Variants in HUWE1 observed in about 807,000 individuals in gnomAD.
HUWE1 encodes E3 ubiquitin-protein ligase HUWE1.
Under a neutral mutation model 299.4 loss-of-function variants are expected in HUWE1, and 18 were observed. The ratio of observed to expected loss-of-function variants is 0.06; its 90% confidence interval spans 0.04 to 0.09. HUWE1 has a LOEUF of 0.09. HUWE1 is among the 10% of genes least tolerant of loss of function. The pLI is 1.00. For synonymous variants in HUWE1, 1,317 were observed against 1,286.1 expected (o/e 1.02, Z -0.51); for missense variants, 1,832 against 3,462.3 (o/e 0.53, Z 11.82).
chrX:53,533,703 C>T (rs1035325650), intron 83 of HUWE1: 18 of 435,183 alleles, frequency 4.1e-5, no homozygotes, highest in African/African-American at 1.2e-4. Flanking sequence ...CACTGGTAAT[C>T]GGACCTCTGC....
intron 41 of HUWE1, 77 bp downstream of exon 41, chrX:53,584,109 A>G: frequency 3.1e-6 from 3 of 979,645 alleles, no homozygotes; most frequent in East Asian, 6.1e-5. Context: ...GCTGATGAAA[A>G]TAACTCACAA....
chrX:53,574,295 T>A (rs1231244447), intron 46 of HUWE1, among the ~76,000 whole-genome samples: 1 of 112,555 alleles, frequency 8.9e-6, no homozygotes, highest in Non-Finnish European at 1.9e-5. Context: ...CACACTTTTA[T>A]CTAGTTCAGC....
At chrX:53,669,800 T>C in intron 3 of HUWE1, among the ~76,000 whole-genome samples, 1 of 112,436 alleles carries the variant, frequency 8.9e-6, no homozygotes, top group Non-Finnish European at 1.9e-5. Flanking sequence ...AGTACACACC[T>C]ACTTCACACC....
chrX:53,638,318 G>A (rs1052173447), intron 7 of HUWE1, among the ~76,000 whole-genome samples: 1 of 110,643 alleles, frequency 9.0e-6, no homozygotes, highest in Non-Finnish European at 1.9e-5. Flanking sequence ...CCAGCCTGGG[G>A]GACAGAGCGA....
intron 15 of HUWE1, 138 bp from the exon 16 acceptor site, chrX:53,628,017 G>A: frequency 1.8e-6 from 1 of 545,491 alleles, no homozygotes; most frequent in East Asian, 3.6e-5. Context: ...TTTATTTTTG[G>A]TGCCTGCCAA....
intron 26 of HUWE1, 82 bp from the exon 27 acceptor site, chrX:53,603,583 T>C (rs2064997088): frequency 1.0e-6 from 1 of 954,462 alleles, no homozygotes; most frequent in African/African-American, 1.9e-5. Flanking sequence ...TTCAACAGTT[T>C]TATAAGGGTA....
chrX:53,661,440 T>C (rs1456521501), intron 3 of HUWE1, among the ~76,000 whole-genome samples: 1 of 111,131 alleles, frequency 9.0e-6, no homozygotes, highest in Non-Finnish European at 1.9e-5. Context: ...TTTGAAAAAA[T>C]TACTCCAAGA....
chrX:53,662,160 T>C (rs1443824453), intron 3 of HUWE1, among the ~76,000 whole-genome samples: 1 of 110,670 alleles, frequency 9.0e-6, no homozygotes, highest in African/African-American at 3.3e-5. Flanking sequence ...CCCACCTAGA[T>C]ATGAGGAGTC....
At chrX:53,546,079 A>C (rs782024491) in intron 70 of HUWE1, among the ~76,000 whole-genome samples, 1 of 111,827 alleles carries the variant, frequency 8.9e-6, no homozygotes, top group Non-Finnish European at 1.9e-5. Flanking sequence ...GTAGGGACAT[A>C]CTTTGAAGGG....
chrX:53,579,152 T>G (rs1602808791), intron 43 of HUWE1, among the ~76,000 whole-genome samples: 3 of 52,290 alleles, frequency 5.7e-5, no homozygotes, highest in Non-Finnish European at 1.0e-4. Context: ...TACTGGGAAG[T>G]GAGGACCCCT....
intron 21 of HUWE1, among the ~76,000 whole-genome samples, chrX:53,616,606 A>T (rs144352961): frequency 0.011 from 1,232 of 111,715 alleles, 23 homozygotes; most frequent in African/African-American, 0.039. Flanking sequence ...TAAAAAAAAA[A>T]TATCCATGTG....
At chrX:53,591,165 C>T (rs1602935370) in intron 33 of HUWE1, 43 bp from the exon 34 acceptor site, 2 of 1,191,308 alleles carry the variant, frequency 1.7e-6, no homozygotes, top group African/African-American at 1.8e-5. Flanking sequence ...TAACGGAAAT[C>T]CAAATACATT....
In HUWE1 at chrX:53,535,198, G is replaced by A. The variant is rs782682881; in HGVS notation, c.12649+186C>T. On this transcript the variant is annotated intron_variant, in intron 81 of 83. Transcript: ENST00000262854. The stretch of plus-strand genomic sequence containing the variant: ...GATCCGCCCACCTTGGCCTCCCAAA[G>A]TGCTGGGATTATAGGTGTGAGCCAC... Among the ~76,000 whole-genome samples the A allele has an allele frequency of 1.8e-5, 2 of 112,196 alleles. 1 individual carries two copies. Among genetic ancestry groups the A allele is most frequent in the South Asian group, 7.5e-4 (2 of 2,683 alleles).
In HUWE1 at chrX:53,584,331, T is replaced by C; in HGVS notation, c.5016A>G (p.Thr1672=). The C allele has an allele frequency of 8.3e-6, 10 of 1,205,828 alleles. No homozygotes were observed. Among genetic ancestry groups the C allele is most frequent in the African/African-American group, 7.0e-5 (4 of 57,545 alleles). Residue 1672 remains threonine (T), a synonymous_variant, in exon 41 of 84, where the codon ACA becomes ACG. Coordinates refer to ENST00000262854, the MANE Select transcript of HUWE1 (RefSeq NM_031407.7). The part of the protein sequence containing the change: ...FTTMVQVNEE[T]GNRRPVMLTL... The stretch of plus-strand genomic sequence containing the variant: ...TCAGCATCACAGGGCGTCGGTTCCC[T>C]GTTTCCTCATTAACCTAGGAATTCA...
chrX:53,684,071 C>T, intron 2 of HUWE1: 1 of 281,355 alleles, frequency 3.6e-6, no homozygotes, highest in Non-Finnish European at 6.3e-6. Flanking sequence ...CCTTTCCAGA[C>T]CCCTCCTCCC....
Position 53,547,855 on chromosome X carries a change from G to A in HUWE1, c.10454C>T (p.Thr3485Ile). 8.3e-7 allele frequency: 1 copy of A among 1,204,731 alleles called. No homozygotes were observed. ...NSGSGASSTT[T>I]ATSTTSTTTT... ...GGTGGTAGATGTGGTTGAGGTGGCA[G>A]TGGTGGTGGAGGAAGCACCGCTGCC... The change falls in exon 68 of 84, where the codon ACT becomes ATT. Residue 3485 changes from threonine to isoleucine, a missense_variant. This residue lies in a region of HUWE1 where 119 missense variants were observed against 124.6 expected (regional missense o/e 0.96). Transcript: ENST00000262854.
chrX:53,552,681 T>A lies in HUWE1; in HGVS notation c.8707A>T (p.Arg2903Trp), dbSNP rs1266156292. 1.7e-6 allele frequency: 2 copies of A among 1,210,487 alleles called. No individual in the cohort carries two copies. The highest frequency in any genetic ancestry group is 2.2e-6 in the Non-Finnish European group (2 of 895,357). ...GCAGATTCCCCTGACCCATCACTCC[T>A]GCCTTGCACTTCCGCCACAGCTGGT... ...APPAVAEVQG[R>W]SDGSGESAQP... is the part of the protein sequence containing the mutation. The change falls in exon 62 of 84, where the codon AGG becomes TGG. Residue 2903 changes from arginine (R) to tryptophan (W), a missense_variant. This residue lies in a region of HUWE1 where 143 missense variants were observed against 148.1 expected (regional missense o/e 0.97). Transcript: ENST00000262854.
Position 53,584,316 on chromosome X carries a change from A to G in HUWE1, c.5031T>C (p.Pro1677=), listed in dbSNP as rs782170190. Residue 1677 remains proline (P), a synonymous_variant, in exon 41 of 84, where the codon CCT becomes CCC. Coordinates refer to ENST00000262854, the MANE Select transcript of HUWE1 (RefSeq NM_031407.7). ...QVNEETGNRR[P]VMLTLLRVPR... ...GTACCCTGAGGAGAGTCAGCATCAC[A>G]GGGCGTCGGTTCCCTGTTTCCTCAT... The G allele has an allele frequency of 1.7e-5, 20 of 1,206,652 alleles. No homozygotes were observed. The highest frequency in any genetic ancestry group is 4.4e-5 in the Admixed American group (2 of 45,647).
chrX:53,608,711 C>A, intron 24 of HUWE1, 141 bp downstream of exon 24: 1 of 524,181 alleles, frequency 1.9e-6, no homozygotes, highest in Non-Finnish European at 3.5e-6. Flanking sequence ...AGAACAAAAA[C>A]AAAAGGGTGG....
Sources: gnomAD v4.1 joint callset for allele counts (sites outside exome capture counted in the v4.1 genomes callset) on GRCh38, gnomAD v4.1.1 for gene constraint, gnomAD v4.1.1 regional missense constraint, MANE v1.5 for transcripts, NCBI Gene and HGNC (gene_info 2026-07-23, HGNC 2026-07-21) for gene names.